Variants in ATG10 observed in about 807,000 individuals in gnomAD.
The protein encoded by ATG10 is ubiquitin-like-conjugating enzyme ATG10.
A neutral mutation model predicts 32.1 loss-of-function variants in ATG10; 30 were observed. The observed-to-expected ratio is 0.94, with a 90% CI of 0.70 to 1.27. ATG10 has a LOEUF of 1.27. Among genes scored for constraint, ATG10 ranks in the 50% most tolerant of loss-of-function variants. ATG10 has a pLI of 0.00. For synonymous variants in ATG10, 87 were observed against 91.5 expected, an observed-to-expected ratio of 0.95 and a Z score of 0.28; for missense variants, 233 against 262.3, an observed-to-expected ratio of 0.89 and a Z score of 0.77.
chr5:82,143,044 A>T (rs1767213227), intron 3 of ATG10, among the ~76,000 whole-genome samples: 1 of 152,220 alleles, frequency 6.6e-6, no homozygotes, highest in Non-Finnish European at 1.5e-5. Context: ...GCAGAGAGGT[A>T]ATAGTCAGGC....
chr5:81,988,656 A>G (rs1284612205), intron 2 of ATG10, among the ~76,000 whole-genome samples: 1 of 151,954 alleles, frequency 6.6e-6, no homozygotes, highest in African/African-American at 2.4e-5. Flanking sequence ...CTGGTCTTGA[A>G]CTACTGACCT....
chr5:81,988,930 G>A (rs1285522855), intron 2 of ATG10, among the ~76,000 whole-genome samples: 1 of 152,170 alleles, frequency 6.6e-6, no homozygotes, highest in Non-Finnish European at 1.5e-5. Flanking sequence ...CCTGGTTCAA[G>A]CAATTCTCAT....
chr5:82,233,365 C>A (rs1746438097), intron 5 of ATG10, among the ~76,000 whole-genome samples: 1 of 152,158 alleles, frequency 6.6e-6, no homozygotes, highest in Non-Finnish European at 1.5e-5. Flanking sequence ...AACCCAGAAG[C>A]AGTCTATTAT....
At chr5:82,213,628 A>G (rs899151484) in intron 5 of ATG10, among the ~76,000 whole-genome samples, 3 of 152,234 alleles carry the variant, frequency 2.0e-5, no homozygotes, top group South Asian at 2.1e-4. Flanking sequence ...AGTTAAATCT[A>G]TCTTAAAGGT....
At chr5:82,061,818 CTT>C (rs11459926) in intron 3 of ATG10, among the ~76,000 whole-genome samples, 3 of 80,916 alleles carry the variant, frequency 3.7e-5, no homozygotes, top group African/African-American at 5.0e-5. Context: ...ACACACATAC[CTT>C]TTTTTTTTTT....
chr5:82,199,560 A>G (rs1322853215), intron 5 of ATG10, among the ~76,000 whole-genome samples: 1 of 152,210 alleles, frequency 6.6e-6, no homozygotes, highest in Admixed American at 6.5e-5. Flanking sequence ...CAATATAAGC[A>G]TATTAGCTTT....
chr5:82,111,852 C>T (rs1335200335), intron 3 of ATG10, among the ~76,000 whole-genome samples: 1 of 151,826 alleles, frequency 6.6e-6, no homozygotes. Flanking sequence ...GGACAAATTA[C>T]AATAGGTAAA....
chr5:81,999,398 T>A lies in ATG10; in HGVS notation c.108+11720T>A, dbSNP rs372750389. On this transcript the variant is annotated intron_variant, in intron 2 of 7. Transcript: ENST00000282185. ...AGCTAAAGCAGTGATAAGAGGGAAG[T>A]TTACAGCCCTAAATGCCCACATCAA... Among the ~76,000 whole-genome samples the A allele has an allele frequency of 2.1e-4, 32 of 152,106 alleles. No individual in the cohort carries two copies. The South Asian group carries it at 6.2e-3, about 30-fold the overall frequency.
At chr5:82,025,982 T>TA (rs907886159) in intron 2 of ATG10, among the ~76,000 whole-genome samples, 1 of 152,226 alleles carries the variant, frequency 6.6e-6, no homozygotes, top group African/African-American at 2.4e-5. Flanking sequence ...TTAATTTTGG[T>TA]AAAAAACATG....
intron 2 of ATG10, among the ~76,000 whole-genome samples, chr5:82,047,004 A>G (rs1382080406): frequency 6.7e-6 from 1 of 149,448 alleles, no homozygotes; most frequent in Non-Finnish European, 1.5e-5. Context: ...TTTAAATTTT[A>G]TCTACAGTAT....
At chr5:82,054,972 A>T (rs750535668) in intron 2 of ATG10, among the ~76,000 whole-genome samples, 10 of 152,166 alleles carry the variant, frequency 6.6e-5, no homozygotes, top group Non-Finnish European at 1.2e-4. Flanking sequence ...GGAAAACTTC[A>T]TTGCCAAGGG....
chr5:82,082,462 A>G (rs568136695), intron 3 of ATG10, among the ~76,000 whole-genome samples: 124 of 152,268 alleles, frequency 8.1e-4, no homozygotes, highest in African/African-American at 2.6e-3. Context: ...TTTTCTTTCA[A>G]TTACTTGATT....
At chr5:82,200,864 ATTATTTAT>A (rs34770803) in intron 5 of ATG10, among the ~76,000 whole-genome samples, 18,930 of 143,098 alleles carry the variant, frequency 0.13, 1,637 homozygotes, top group Non-Finnish European at 0.19. Context: ...TTAAAAATAC[ATTATTTAT>A]TTATTTATTT....
At chr5:81,987,108 T>G (rs1761303069) in intron 1 of ATG10, among the ~76,000 whole-genome samples, 1 of 152,060 alleles carries the variant, frequency 6.6e-6, no homozygotes, top group African/African-American at 2.4e-5. Flanking sequence ...GTGAGAAAGA[T>G]AGAAAAAACA....
chr5:82,026,206 T>C (rs1434862564), intron 2 of ATG10, among the ~76,000 whole-genome samples: 1 of 152,212 alleles, frequency 6.6e-6, no homozygotes, highest in Non-Finnish European at 1.5e-5. Context: ...TTTGACTACT[T>C]TCGGTAACTC....
intron 2 of ATG10, among the ~76,000 whole-genome samples, chr5:81,990,311 C>T (rs1389533948): frequency 6.6e-6 from 1 of 152,098 alleles, no homozygotes; most frequent in Non-Finnish European, 1.5e-5. Flanking sequence ...GGGACTTTGC[C>T]TTTTCACCAG....
At chr5:82,087,236 GA>G (rs1561292098) in intron 3 of ATG10, among the ~76,000 whole-genome samples, 1 of 152,170 alleles carries the variant, frequency 6.6e-6, no homozygotes, top group Non-Finnish European at 1.5e-5. Flanking sequence ...AATAATTTAG[GA>G]AGGCTTTGTA....
chr5:82,025,139 G>A (rs1372626376), intron 2 of ATG10, among the ~76,000 whole-genome samples: 1 of 152,212 alleles, frequency 6.6e-6, no homozygotes, highest in East Asian at 1.9e-4. Flanking sequence ...GGATAGCTTA[G>A]TGCTACTAAA....
intron 3 of ATG10, among the ~76,000 whole-genome samples, chr5:82,061,950 C>T (rs1196654283): frequency 6.6e-6 from 1 of 150,940 alleles, no homozygotes; most frequent in Non-Finnish European, 1.5e-5. Context: ...TCACCTCTGC[C>T]TCCCAAGTAG....
Sources: allele counts gnomAD v4.1 joint callset (sites outside exome capture counted in the v4.1 genomes callset), GRCh38; gene constraint gnomAD v4.1.1; transcripts MANE v1.5; gene names NCBI Gene and HGNC (gene_info 2026-07-23, HGNC 2026-07-21).